Variants in CDH23 observed in about 807,000 individuals in gnomAD.
The protein encoded by CDH23 is cadherin-23.
CDH23 carries 189 observed loss-of-function variants against 317.1 expected under a neutral mutation model. The ratio of observed to expected loss-of-function variants is 0.60; its 90% CI spans 0.53 to 0.67. The LOEUF is 0.67. Ranked by LOEUF, CDH23 falls within the 30% of genes least tolerant of loss-of-function variation. The probability of loss-of-function intolerance (pLI) is 0.00; values close to 1 mark genes in which losing one functional copy is unlikely to be tolerated. For missense variants in CDH23, 4,401 were observed against 4,592.4 expected, an observed-to-expected ratio of 0.96 and a Z score of 1.20; for synonymous variants, 1,839 against 1,876.8, an observed-to-expected ratio of 0.98 and a Z score of 0.52.
chr10:71,397,700 G>C lies in CDH23; in HGVS notation c.-6+382G>C, dbSNP rs532909551. Among the ~76,000 whole-genome samples, 3 of 152,064 alleles carry C rather than the reference G, an allele frequency of 2.0e-5. No individual in the cohort carries two copies. The highest frequency in any genetic ancestry group is 4.4e-5 in the Non-Finnish European group (3 of 67,988). On this transcript the variant is annotated intron_variant, in intron 1 of 69. Coordinates refer to ENST00000224721, the MANE Select transcript of CDH23 (RefSeq NM_022124.6). The surrounding 1 kb of genome is among the most constrained non-coding windows in gnomAD (Gnocchi z 4.8). ...GGAGAGATTTTCGAGAGTGGAGCGC[G>C]TTGGGATCCAATCCCCTCCCCTTCT...
chr10:71,791,314 CT>C lies in CDH23; in HGVS notation c.6233del (p.Leu2078ArgfsTer2), dbSNP rs1841244384. Reference sequence around the variant, plus strand: ...TAGCCCTGCCACCCTCACTGTCCATCTGCTAGAGAACTGCCCGCCTGGTAAG... The same window carrying C: ...TAGCCCTGCCACCCTCACTGTCCATCGCTAGAGAACTGCCCGCCTGGTAAG... ...TFSPATLTVH[L>X]LENCPPGFSV... is the part of the protein sequence containing the mutation. On this transcript the variant is annotated frameshift_variant, in exon 47 of 70. Transcript: ENST00000224721. LOFTEE classifies it high-confidence loss of function. The C allele has an allele frequency of 6.2e-7, 1 of 1,613,736 alleles. No homozygotes were observed. Among genetic ancestry groups the C allele is most frequent in the Non-Finnish European group, 8.5e-7 (1 of 1,179,816 alleles).
intron 1 of CDH23, among the ~76,000 whole-genome samples, chr10:71,434,988 A>G (rs1322680918): frequency 6.6e-6 from 1 of 151,984 alleles, no homozygotes; most frequent in Non-Finnish European, 1.5e-5. Context: ...TGGAATTCTC[A>G]CTGGGCTCGC....
intron 29 of CDH23, 40 bp from the exon 30 acceptor site, chr10:71,725,332 G>A: frequency 6.2e-7 from 1 of 1,613,872 alleles, no homozygotes; most frequent in Non-Finnish European, 8.5e-7. Context: ...GAGACTTCTG[G>A]GCAGGGCCGG....
At chr10:71,806,328 ACCTG>A (rs1564804257) in intron 57 of CDH23, 47 bp downstream of exon 57, 1 of 1,320,698 alleles carries the variant, frequency 7.6e-7, no homozygotes, top group East Asian at 2.5e-5. Context: ...ACAGGGACTC[ACCTG>A]CCTGCAAGCA....
At chr10:71,752,104 G>A (rs1840019610) in intron 38 of CDH23, 2 of 672,114 alleles carry the variant, frequency 3.0e-6, no homozygotes, top group African/African-American at 3.5e-5. Context: ...GCTCCTCCCT[G>A]TGGTCTGACC....
chr10:71,811,853 G>A (rs1259020841), intron 65 of CDH23, 100 bp downstream of exon 65: 16 of 1,586,428 alleles, frequency 1.0e-5, no homozygotes, highest in Non-Finnish European at 1.2e-5. Context: ...CCTTCACTGG[G>A]CCCAGGACCA....
rs1841491249 is a variant in CDH23 at position 71,799,297 on chromosome 10, C to T, written c.7224+17C>T. On this transcript the variant is annotated intron_variant, in intron 51 of 69. Transcript: ENST00000224721. ...TCCTACCAGGTGGGTGGCCAGGCCA[C>T]AGGCTGGGTCCAGGACCTGCGCCCA... 6.2e-7 allele frequency: 1 copy of T among 1,613,894 alleles called. No homozygotes were observed. The highest frequency in any genetic ancestry group is 1.3e-5 in the African/African-American group (1 of 74,952).
In CDH23 at chr10:71,793,368, C is replaced by A. The variant is rs769241730; in HGVS notation, c.6440C>A (p.Thr2147Asn). 36 of 1,613,876 alleles carry A rather than the reference C, an allele frequency of 2.2e-5. No individual in the cohort carries two copies. The highest frequency in any genetic ancestry group is 2.6e-5 in the Non-Finnish European group (31 of 1,179,906). Residue 2147 changes from threonine (T) to asparagine (N), a missense_variant, in exon 48 of 70, where the codon ACC (threonine) becomes AAC (asparagine). This residue lies in a region of CDH23 where 3,068 missense variants were observed against 3,203.3 expected (regional missense o/e 0.96). Coordinates refer to ENST00000224721, the MANE Select transcript of CDH23 (RefSeq NM_022124.6). The part of the protein sequence containing the change: ...QESYRLTVVA[T>N]DRGTVPLSGT... ...TCCTACAGGCTAACGGTGGTGGCCA[C>A]CGACCGGGGCACCGTTCCTCTCTCG... is the stretch of plus-strand genomic sequence containing the variant.
chr10:71,437,558 A>G (rs1849674279), intron 1 of CDH23, among the ~76,000 whole-genome samples: 1 of 152,166 alleles, frequency 6.6e-6, no homozygotes, highest in Admixed American at 6.5e-5. Flanking sequence ...CTCAAAGTAA[A>G]CAGTAGCCTC....
intron 3 of CDH23, among the ~76,000 whole-genome samples, chr10:71,453,840 G>A (rs562650893): frequency 3.5e-4 from 54 of 152,310 alleles, no homozygotes; most frequent in African/African-American, 1.2e-3. Context: ...AGTGGCTCCC[G>A]GACATCAGCT....
chr10:71,487,261 A>G (rs1852400678), intron 3 of CDH23, among the ~76,000 whole-genome samples: 2 of 152,230 alleles, frequency 1.3e-5, no homozygotes, highest in African/African-American at 4.8e-5. Flanking sequence ...ATAAATATAT[A>G]TGAGTGTGTA....
chr10:71,634,096 G>A (rs1230116879), intron 11 of CDH23, among the ~76,000 whole-genome samples: 4 of 152,256 alleles, frequency 2.6e-5, no homozygotes, highest in Non-Finnish European at 4.4e-5. Context: ...GGGAGAGCCA[G>A]CTCCCAGCTC....
intron 18 of CDH23, among the ~76,000 whole-genome samples, chr10:71,682,871 T>C (rs983141192): frequency 6.6e-6 from 1 of 152,196 alleles, no homozygotes; most frequent in Non-Finnish European, 1.5e-5. Context: ...GAACAGGAGC[T>C]GGGAGTCAAG....
intron 66 of CDH23, 142 bp downstream of exon 66, chr10:71,812,157 A>C: frequency 6.3e-7 from 1 of 1,585,878 alleles, no homozygotes; most frequent in Non-Finnish European, 8.6e-7. Context: ...CCCTCCCTTC[A>C]CCCTCCCTCC....
chr10:71,440,702 C>A (rs1296260903), intron 2 of CDH23, among the ~76,000 whole-genome samples: 2 of 152,214 alleles, frequency 1.3e-5, no homozygotes, highest in Non-Finnish European at 2.9e-5. Context: ...TCTCGCTTGG[C>A]CCCTGGACAG....
At chr10:71,597,841 T>C (rs1386685401) in intron 9 of CDH23, among the ~76,000 whole-genome samples, 1 of 152,214 alleles carries the variant, frequency 6.6e-6, no homozygotes, top group East Asian at 1.9e-4. Context: ...CAGACAAAAC[T>C]GTCGCCCTCA....
At chr10:71,540,532 G>A (rs529577830) in intron 6 of CDH23, among the ~76,000 whole-genome samples, 2 of 152,190 alleles carry the variant, frequency 1.3e-5, no homozygotes, top group South Asian at 4.2e-4. Context: ...TGACTTAGCT[G>A]GTCTCACTAC....
rs1182791992 is a variant in CDH23, at chr10:71,550,087, G to A, written c.430-16655G>A. Among the ~76,000 whole-genome samples the A allele has an allele frequency of 3.9e-5, 6 of 152,316 alleles. No individual in the cohort carries two copies. The East Asian group carries it at 9.6e-4, about 24-fold the overall frequency. On this transcript the variant is annotated intron_variant, in intron 6 of 69. Transcript: ENST00000224721. ...TAAGGCAGAGCTGAGTCCCAAGACT[G>A]GCCCTCCTCTCAGGAGCTAGGAATA...
intron 14 of CDH23, among the ~76,000 whole-genome samples, chr10:71,667,392 G>GTGTGTGTGTGTGTGTGTGTA (rs756166579): frequency 2.0e-5 from 2 of 101,974 alleles, no homozygotes; most frequent in South Asian, 3.3e-4. Context: ...GTGTGTGTGT[G>GTGTGTGTGTGTGTGTGTGTA]TGTGCGCGTG....
Sources: allele counts gnomAD v4.1 joint callset (sites outside exome capture counted in the v4.1 genomes callset), GRCh38; gene constraint gnomAD v4.1.1; regional missense constraint gnomAD v4.1.1; non-coding constraint Gnocchi (gnomAD v3.1); transcripts MANE v1.5; gene names NCBI Gene and HGNC (gene_info 2026-07-23, HGNC 2026-07-21).